Variants in CCDC15 observed in about 807,000 individuals in gnomAD.
The protein encoded by CCDC15 is coiled-coil domain containing 15.
A neutral mutation model predicts 114.5 loss-of-function variants in CCDC15; 105 were observed. The ratio of observed to expected loss-of-function variants is 0.92; its 90% CI spans 0.78 to 1.08. The LOEUF (loss-of-function observed/expected upper bound fraction) is 1.08, where lower values mean the gene tolerates loss of function less well. Among genes scored for constraint, CCDC15 ranks in the 50% least tolerant of loss-of-function variants. The probability of loss-of-function intolerance (pLI) is 0.00; values close to 1 mark genes in which losing one functional copy is unlikely to be tolerated. For synonymous variants in CCDC15, 334 were observed against 377.8 expected, an observed-to-expected ratio of 0.88 and a Z score of 1.34; for missense variants, 1,105 against 1,093.6, an observed-to-expected ratio of 1.01 and a Z score of -0.15.
At chr11:125,025,458 C>T (rs1461150084) in intron 13 of CCDC15, among the ~76,000 whole-genome samples, 2 of 151,718 alleles carry the variant, frequency 1.3e-5, no homozygotes, top group Non-Finnish European at 2.9e-5. Context: ...GTGTTCTCTC[C>T]TCTTCAGTTT....
Position 124,986,663 on chromosome 11 carries a change from G to A in CCDC15, c.754-79G>A. 2.3e-6 allele frequency: 3 copies of A among 1,311,274 alleles called. No homozygotes were observed. In the South Asian group the frequency reaches 5.0e-5, roughly 22 times the overall value. 81.2% of individuals were successfully genotyped at this position (1,311,274 alleles called of 1,614,324 possible). ...TTGTTTCTTCCTATAATAGCTACAT[G>A]GTGCTGTGTGTGTGTGTGTGTGTGT... On this transcript the variant is annotated intron_variant, in intron 6 of 15. Coordinates refer to ENST00000344762, the MANE Select transcript of CCDC15 (RefSeq NM_025004.3).
intron 6 of CCDC15, among the ~76,000 whole-genome samples, chr11:124,985,343 T>A (rs1948139266): frequency 6.6e-6 from 1 of 152,196 alleles, no homozygotes; most frequent in African/African-American, 2.4e-5. Context: ...TGTGTGGACA[T>A]TCATTTCTTT....
intron 13 of CCDC15, among the ~76,000 whole-genome samples, 183 bp downstream of exon 13, chr11:125,005,395 A>G (rs541648621): frequency 1.6e-4 from 24 of 152,070 alleles, no homozygotes; most frequent in Non-Finnish European, 2.5e-4. Context: ...TCGATTTTCT[A>G]TTAGACTTGA....
Position 125,040,684 on chromosome 11 carries a change from A to C in CCDC15, c.2829A>C (p.Ala943=), listed in dbSNP as rs1389732552. ...LRVAIHNFAS[A]HRRTLKNL ...TCGCAATTCATAATTTTGCTTCTGC[A>C]CACAGGCGGACTTTGAAAAATCTAT... Residue 943 remains alanine, a synonymous_variant, in exon 16 of 16, where the codon GCA becomes GCC. Transcript: ENST00000344762. 6 of 1,612,248 alleles carry C rather than the reference A, an allele frequency of 3.7e-6. No individual in the cohort carries two copies. The South Asian group carries it at 5.5e-5, about 15-fold the overall frequency.
At chr11:124,964,553 G>A (rs1947733788) in intron 4 of CCDC15, among the ~76,000 whole-genome samples, 1 of 152,056 alleles carries the variant, frequency 6.6e-6, no homozygotes, top group South Asian at 2.1e-4. Context: ...GAGTCGATGG[G>A]GTTTTCTAAA....
At chr11:124,961,106 T>G (rs1947650851) in intron 4 of CCDC15, among the ~76,000 whole-genome samples, 1 of 152,222 alleles carries the variant, frequency 6.6e-6, no homozygotes, top group South Asian at 2.1e-4. Flanking sequence ...TTAGCAAATA[T>G]TTATTGAGCC....
rs886526965 is a variant in CCDC15 at position 125,000,208 on chromosome 11, C to T, written c.2215-3659C>T. 1.4e-4 allele frequency among the ~76,000 whole-genome samples: 21 copies of T among 152,054 alleles called. 1 individual carries two copies. The highest frequency in any genetic ancestry group is 5.1e-4 in the African/African-American group (21 of 41,378). On this transcript the variant is annotated intron_variant, in intron 11 of 15. Coordinates refer to ENST00000344762, the MANE Select transcript of CCDC15 (RefSeq NM_025004.3). ...TTGAGACTCTGGTTTCTGTTAAAATCCTCTAAAGAATATTGTATCTTTTAT... is the reference window on the plus strand; with the variant it reads ...TTGAGACTCTGGTTTCTGTTAAAATTCTCTAAAGAATATTGTATCTTTTAT...
At chr11:124,994,272 A>G (rs1948323883) in intron 11 of CCDC15, among the ~76,000 whole-genome samples, 1 of 152,198 alleles carries the variant, frequency 6.6e-6, no homozygotes. Flanking sequence ...AGCAGACGAC[A>G]GGTAGAGCAC....
At chr11:124,963,925 C>G (rs1947719623) in intron 4 of CCDC15, among the ~76,000 whole-genome samples, 1 of 152,150 alleles carries the variant, frequency 6.6e-6, no homozygotes, top group East Asian at 1.9e-4. Flanking sequence ...TTGCTTTTGT[C>G]AGATTTGTCA....
chr11:124,993,908 A>G lies in CCDC15; in HGVS notation c.2214+665A>G, dbSNP rs78261285. On this transcript the variant is annotated intron_variant, in intron 11 of 15. Transcript: ENST00000344762. ...TGAAGTATCTTATTTGATTTTCATAATAACCATAGAAGATAGATACTATTA... is the reference window on the plus strand; with the variant it reads ...TGAAGTATCTTATTTGATTTTCATAGTAACCATAGAAGATAGATACTATTA... Among the ~76,000 whole-genome samples the G allele has an allele frequency of 2.7e-3, 405 of 152,354 alleles. 4 individuals are homozygous for G. The highest frequency in any genetic ancestry group is 9.0e-3 in the African/African-American group (376 of 41,586).
intron 4 of CCDC15, among the ~76,000 whole-genome samples, chr11:124,970,285 G>C (rs561263929): frequency 6.6e-6 from 1 of 152,166 alleles, no homozygotes; most frequent in South Asian, 2.1e-4. Flanking sequence ...ATATTTATTG[G>C]CCCAGCTTGC....
At chr11:125,019,492 C>A (rs1447553460) in intron 13 of CCDC15, among the ~76,000 whole-genome samples, 1 of 151,970 alleles carries the variant, frequency 6.6e-6, no homozygotes, top group Non-Finnish European at 1.5e-5. Context: ...TAGCAAGTGG[C>A]AGAACTGGGA....
intron 6 of CCDC15, among the ~76,000 whole-genome samples, chr11:124,982,623 C>T (rs971046445): frequency 4.6e-5 from 7 of 152,328 alleles, no homozygotes; most frequent in African/African-American, 1.7e-4. Flanking sequence ...CCCCCAATCT[C>T]TTCCAGCTTT....
chr11:124,995,080 G>A (rs1388941866), intron 11 of CCDC15, among the ~76,000 whole-genome samples: 1 of 152,158 alleles, frequency 6.6e-6, no homozygotes, highest in African/African-American at 2.4e-5. Context: ...GTATGCTGCT[G>A]TGTTTTAGTC....
chr11:124,988,268 A>G lies in CCDC15; in HGVS notation c.1908+134A>G, dbSNP rs1948210633. On this transcript the variant is annotated intron_variant, in intron 8 of 15. Transcript: ENST00000344762. ...TCCAGGCCATTGCAATAAAGCAAAT[A>G]TTGGAATAAAGTAAGTCACACAAAT... 3.0e-5 allele frequency: 28 copies of G among 937,234 alleles called. No homozygotes were observed. The South Asian group carries it at 4.9e-4, about 16-fold the overall frequency. 58.1% of individuals were successfully genotyped at this position (937,234 alleles called of 1,614,324 possible). A position where few individuals can be genotyped will look rare whatever the true frequency, so the allele number is the denominator to read the frequency against.
In CCDC15 at chr11:125,005,197, A is replaced by G; in HGVS notation, c.2396A>G (p.Lys799Arg). The change falls in exon 13 of 16, where the codon AAG becomes AGG. Residue 799 changes from lysine (K) to arginine (R), a missense_variant. By Grantham distance (26) the Lys-to-Arg change is conservative. Coordinates refer to ENST00000344762, the MANE Select transcript of CCDC15 (RefSeq NM_025004.3). ...VKEQQRQKEQ[K>R]KKIEKIKKKR... ...GAACAACAAAGGCAAAAAGAACAAA[A>G]GAAGAAAATTGAAAAGTAAGTTATT... is the stretch of plus-strand genomic sequence containing the variant. 1 of 1,512,880 alleles carries G rather than the reference A, an allele frequency of 6.6e-7. No homozygotes were observed. The highest frequency in any genetic ancestry group is 9.1e-7 in the Non-Finnish European group (1 of 1,104,254). 93.7% of individuals were successfully genotyped at this position (1,512,880 alleles called of 1,614,324 possible).
intron 6 of CCDC15, among the ~76,000 whole-genome samples, chr11:124,985,486 T>TA (rs1948142556): frequency 6.6e-6 from 1 of 152,148 alleles, no homozygotes; most frequent in Non-Finnish European, 1.5e-5. Flanking sequence ...CTCCAACACT[T>TA]ATTATTGTCC....
At chr11:125,034,176 C>T (rs1032438609) in intron 13 of CCDC15, among the ~76,000 whole-genome samples, 15 of 152,212 alleles carry the variant, frequency 9.9e-5, no homozygotes, top group South Asian at 4.1e-4. Context: ...GAATGTGGGT[C>T]GGGGAGGGGA....
intron 6 of CCDC15, among the ~76,000 whole-genome samples, chr11:124,982,774 G>C (rs1280409675): frequency 1.3e-5 from 2 of 152,054 alleles, no homozygotes; most frequent in Non-Finnish European, 2.9e-5. Context: ...TTGGGGGATG[G>C]TCTTCTTCTT....
Sources: allele counts gnomAD v4.1 joint callset (sites outside exome capture counted in the v4.1 genomes callset), GRCh38; gene constraint gnomAD v4.1.1; transcripts MANE v1.5; gene names NCBI Gene and HGNC (gene_info 2026-07-23, HGNC 2026-07-21).